Variants in CTNNA1 observed in about 807,000 individuals in gnomAD.
CTNNA1 encodes the protein catenin alpha-1.
CTNNA1 carries 37 observed loss-of-function variants against 98.4 expected under a neutral mutation model. The ratio of observed to expected loss-of-function variants is 0.38; its 90% CI spans 0.29 to 0.49. The LOEUF is 0.49. Ranked by LOEUF, CTNNA1 falls within the 20% of genes least tolerant of loss-of-function variation. CTNNA1 has a pLI of 0.95. For synonymous variants in CTNNA1, 404 were observed against 413.2 expected, an observed-to-expected ratio of 0.98 and a Z score of 0.27; for missense variants, 761 against 1,147.2, an observed-to-expected ratio of 0.66 and a Z score of 4.86.
intron 11 of CTNNA1, among the ~76,000 whole-genome samples, chr5:138,920,788 G>T (rs759416596): frequency 1.3e-5 from 2 of 152,144 alleles, no homozygotes; most frequent in Non-Finnish European, 2.9e-5. Flanking sequence ...TATGGAGTAG[G>T]GCTTCAGCTC....
chr5:138,897,078 T>C (rs983313427), intron 9 of CTNNA1, among the ~76,000 whole-genome samples: 6 of 118,634 alleles, frequency 5.1e-5, no homozygotes, highest in Non-Finnish European at 1.1e-4. Context: ...TCATATGATA[T>C]ATACAGTGAT....
At chr5:138,872,968 A>G (rs772489119) in intron 7 of CTNNA1, 2 of 1,420,110 alleles carry the variant, frequency 1.4e-6, no homozygotes, top group Non-Finnish European at 1.9e-6. Flanking sequence ...ACTATGTAAA[A>G]TAGGTTACTT....
rs1581613999 is a variant in CTNNA1, at chr5:138,904,420, G to C, written c.1368G>C (p.Gln456His). 6.2e-7 allele frequency: 1 copy of C among 1,614,090 alleles called. No individual in the cohort carries two copies. The highest frequency in any genetic ancestry group is 8.5e-7 in the Non-Finnish European group (1 of 1,179,952). Reference protein sequence around the residue: ...GVKLVRMSASQLEALCPQVIN... With the variant: ...GVKLVRMSASHLEALCPQVIN... ...AGCTTGTTCGAATGTCTGCAAGCCAGTTAGAAGCCCTCTGTCCTCAGGTAA... is the reference window on the plus strand; with the variant it reads ...AGCTTGTTCGAATGTCTGCAAGCCACTTAGAAGCCCTCTGTCCTCAGGTAA... Residue 456 changes from glutamine (Q) to histidine (H), a missense_variant, in exon 10 of 18, where the codon CAG becomes CAC. By Grantham distance (24) the Gln-to-His change is conservative (BLOSUM62 0). Transcript: ENST00000302763.
intron 7 of CTNNA1, among the ~76,000 whole-genome samples, chr5:138,829,155 A>G (rs1761016103): frequency 6.6e-6 from 1 of 152,184 alleles, no homozygotes; most frequent in Non-Finnish European, 1.5e-5. Context: ...TAGGCAGTCT[A>G]CTTAAGAAAA....
In CTNNA1 at chr5:138,924,601, A is replaced by C. The variant is rs1763610993; in HGVS notation, c.1638A>C (p.Arg546=). ...DGLDRTAGAI[R]GRAARVIHVV... ...TGGACCGCACAGCTGGTGCAATTCGAGGCCGGGCAGCCCGGGTCATTCACG... is the reference window on the plus strand; with the variant it reads ...TGGACCGCACAGCTGGTGCAATTCGCGGCCGGGCAGCCCGGGTCATTCACG... Residue 546 remains arginine (R), a synonymous_variant, in exon 12 of 18, where the codon CGA becomes CGC. Transcript: ENST00000302763. 2 of 1,614,060 alleles carry C rather than the reference A, an allele frequency of 1.2e-6. No homozygotes were observed. Among genetic ancestry groups the C allele is most frequent in the South Asian group, 2.2e-5 (2 of 91,066 alleles).
At chr5:138,754,768 A>G (rs1751434886) in intron 1 of CTNNA1, 1 of 152,170 alleles carries the variant, frequency 6.6e-6, no homozygotes, top group Admixed American at 6.5e-5. Flanking sequence ...TTTTGAACAA[A>G]CATTTTTTTT....
chr5:138,860,348 T>C (rs1440026992), intron 7 of CTNNA1, among the ~76,000 whole-genome samples: 4 of 152,136 alleles, frequency 2.6e-5, no homozygotes, highest in African/African-American at 9.7e-5. Flanking sequence ...ACAAATTGAG[T>C]GTCTAAATGG....
At chr5:138,927,472 GC>G (rs967048462) in intron 13 of CTNNA1, among the ~76,000 whole-genome samples, 2 of 42,718 alleles carry the variant, frequency 4.7e-5, no homozygotes, top group Non-Finnish European at 1.0e-4. Context: ...GCTGCCACCC[GC>G]CCCCCCTTCC....
chr5:138,767,757 T>C (rs1276398844), intron 1 of CTNNA1, among the ~76,000 whole-genome samples: 1 of 152,226 alleles, frequency 6.6e-6, no homozygotes, highest in Non-Finnish European at 1.5e-5. Context: ...CATTTGAAAG[T>C]AAACTGCAGA....
intron 6 of CTNNA1, 148 bp downstream of exon 6, chr5:138,824,947 G>A: frequency 1.3e-6 from 1 of 741,454 alleles, no homozygotes; most frequent in Non-Finnish European, 2.2e-6. Context: ...TGAATCATCA[G>A]TCTACTTGAT....
chr5:138,785,664 G>C (rs1173183564), intron 3 of CTNNA1, among the ~76,000 whole-genome samples: 1 of 151,980 alleles, frequency 6.6e-6, no homozygotes, highest in African/African-American at 2.4e-5. Flanking sequence ...GGGTTCAAGC[G>C]ATTCTTCTGC....
At chr5:138,893,495 A>C (rs548352553) in intron 9 of CTNNA1, among the ~76,000 whole-genome samples, 11 of 152,008 alleles carry the variant, frequency 7.2e-5, no homozygotes, top group African/African-American at 2.4e-4. Context: ...TTTTCCACAT[A>C]TTATTGGCTG....
intron 8 of CTNNA1, 29 bp downstream of exon 8, chr5:138,886,321 T>C: frequency 6.4e-7 from 1 of 1,555,240 alleles, no homozygotes; most frequent in Non-Finnish European, 8.7e-7. Flanking sequence ...CTGATTGTTT[T>C]TCTAAGTTCT....
At position 138,874,210 on chromosome 5, in the gene CTNNA1, A is replaced by G; in HGVS notation, c.1063-12002A>G. Reference sequence around the variant, plus strand: ...TTGGCAAGTAAAATATTTTGTTGGAACTTAAGATTAATTCCTTAAGTTTAT... The same window carrying G: ...TTGGCAAGTAAAATATTTTGTTGGAGCTTAAGATTAATTCCTTAAGTTTAT... On this transcript the variant is annotated intron_variant, in intron 7 of 17. Transcript: ENST00000302763. This position sits in a 1 kb window ranked among gnomAD's most constrained non-coding sequence, Gnocchi z 4.1. 2 of 1,613,986 alleles carry G rather than the reference A, an allele frequency of 1.2e-6. No individual in the cohort carries two copies. The highest frequency in any genetic ancestry group is 2.7e-5 in the African/African-American group (2 of 75,036).
chr5:138,823,935 C>T (rs1215395842), intron 5 of CTNNA1, among the ~76,000 whole-genome samples: 2 of 108,686 alleles, frequency 1.8e-5, no homozygotes, highest in East Asian at 2.8e-4. Context: ...CCAGCCTGGG[C>T]GACAGAGCGA....
chr5:138,918,278 C>T (rs1381669789), intron 11 of CTNNA1, among the ~76,000 whole-genome samples: 4 of 152,142 alleles, frequency 2.6e-5, no homozygotes, highest in Non-Finnish European at 4.4e-5. Flanking sequence ...AAACATTGAT[C>T]TGTGTCTTGG....
intron 7 of CTNNA1, among the ~76,000 whole-genome samples, chr5:138,843,188 A>G (rs1187242637): frequency 6.6e-6 from 1 of 152,242 alleles, no homozygotes; most frequent in African/African-American, 2.4e-5. Flanking sequence ...CAGCAGAAAA[A>G]CCAATGGAAA....
At chr5:138,904,249 G>A in intron 9 of CTNNA1, 100 bp from the exon 10 acceptor site, 1 of 1,400,140 alleles carries the variant, frequency 7.1e-7, no homozygotes, top group Non-Finnish European at 9.5e-7. Flanking sequence ...TGGTGCCCTT[G>A]TCATCTGTTC....
At chr5:138,901,961 C>T (rs1231611878) in intron 9 of CTNNA1, among the ~76,000 whole-genome samples, 3 of 152,184 alleles carry the variant, frequency 2.0e-5, no homozygotes, top group African/African-American at 7.2e-5. Flanking sequence ...AATTGAAGCT[C>T]ATTCATCTGG....
Sources: gnomAD v4.1 joint callset for allele counts (sites outside exome capture counted in the v4.1 genomes callset) on GRCh38, gnomAD v4.1.1 for gene constraint, Gnocchi (gnomAD v3.1) non-coding constraint, MANE v1.5 for transcripts, NCBI Gene and HGNC (gene_info 2026-07-23, HGNC 2026-07-21) for gene names.